LINGO2: variants seen among roughly 807,000 people sequenced by gnomAD.
LINGO2 encodes leucine rich repeat and Ig domain containing 2, also known as leucine-rich repeat and immunoglobulin-like domain-containing nogo receptor-interacting protein 2.
A neutral mutation model predicts 30.6 loss-of-function variants in LINGO2; 14 were observed. The observed-to-expected ratio is 0.46, with a 90% CI of 0.30 to 0.72. LINGO2 has a LOEUF of 0.72. Ranked by LOEUF, LINGO2 falls within the 30% of genes least tolerant of loss-of-function variation. The pLI, the probability that LINGO2 is intolerant of heterozygous loss-of-function variation, is 0.07. For missense variants in LINGO2, 729 were observed against 751.7 expected (o/e 0.97, Z 0.35); for synonymous variants, 317 against 288.5 (o/e 1.10, Z -1.00).
At chr9:29,059,478 A>T in the LINGO2 span, among the ~76,000 whole-genome samples, 1 of 151,670 alleles carries the variant, frequency 6.6e-6, no homozygotes, top group Non-Finnish European at 1.5e-5. Flanking sequence ...CTAATATCAG[A>T]CCTACAATAA....
At chr9:28,168,522 G>A (rs1828494971) in intron 4 of LINGO2, among the ~76,000 whole-genome samples, 1 of 152,164 alleles carries the variant, frequency 6.6e-6, no homozygotes, top group Admixed American at 6.5e-5. Context: ...TTTCATAACA[G>A]GTGTTATTGT....
At chr9:28,922,585 A>T in the LINGO2 span, among the ~76,000 whole-genome samples, 2 of 152,236 alleles carry the variant, frequency 1.3e-5, no homozygotes, top group African/African-American at 2.4e-5. Context: ...ATTTATTTTC[A>T]CAGTAACTCC....
At chr9:28,860,245 T>A in the LINGO2 span, among the ~76,000 whole-genome samples, 1 of 152,120 alleles carries the variant, frequency 6.6e-6, no homozygotes, top group Non-Finnish European at 1.5e-5. Flanking sequence ...AGTGCCCAGA[T>A]ATTTGGTCAG....
chr9:28,632,376 G>A (rs185170669), intron 1 of LINGO2, among the ~76,000 whole-genome samples: 1 of 151,936 alleles, frequency 6.6e-6, no homozygotes, highest in African/African-American at 2.4e-5. Context: ...GCCAAAGAGT[G>A]GGTTCCAAGG....
chr9:28,250,278 T>C lies in LINGO2; in HGVS notation c.-87+44930A>G, dbSNP rs139857775. Among the ~76,000 whole-genome samples the C allele has an allele frequency of 1.5e-3, 232 of 152,320 alleles. 1 individual carries two copies. Among genetic ancestry groups the C allele is most frequent in the African/African-American group, 5.4e-3 (226 of 41,586 alleles). On this transcript the variant is annotated intron_variant, in intron 4 of 5. Coordinates refer to ENST00000379992, the Ensembl canonical transcript of LINGO2. ...AAGATAAAGTGGATGTAGCTTTCCT[T>C]ATTTCTGCCAAGTACAGTTACAAAT...
intron 1 of LINGO2, among the ~76,000 whole-genome samples, chr9:28,655,418 A>G (rs1429122298): frequency 6.6e-6 from 1 of 152,080 alleles, no homozygotes; most frequent in Non-Finnish European, 1.5e-5. Context: ...CTTGTCTCAG[A>G]TAAGACTTTC....
At chr9:28,598,431 A>AAAC (rs1554643666) in intron 1 of LINGO2, among the ~76,000 whole-genome samples, 18 of 125,562 alleles carry the variant, frequency 1.4e-4, no homozygotes, top group Admixed American at 7.8e-4. Flanking sequence ...AAAAAAAAAA[A>AAAC]AAACAAAACA....
At chr9:28,418,275 C>CTTT (rs3064826) in intron 2 of LINGO2, among the ~76,000 whole-genome samples, 13,682 of 106,364 alleles carry the variant, frequency 0.13, 1,007 homozygotes, top group East Asian at 0.26. Flanking sequence ...AGGCCATGTA[C>CTTT]TTTTTTTTTT....
the LINGO2 span, among the ~76,000 whole-genome samples, chr9:28,793,775 T>G: frequency 0.8 from 121,403 of 152,020 alleles, 48,495 homozygotes; most frequent in East Asian, 0.9. Context: ...GATATCACCC[T>G]GGAGCTTGTT....
chr9:28,899,288 A>G, the LINGO2 span, among the ~76,000 whole-genome samples: 1 of 152,214 alleles, frequency 6.6e-6, no homozygotes, highest in East Asian at 1.9e-4. Flanking sequence ...CTTGAGACCA[A>G]CATCAGTGCT....
At chr9:28,453,788 C>G (rs939922358) in intron 2 of LINGO2, among the ~76,000 whole-genome samples, 1 of 152,018 alleles carries the variant, frequency 6.6e-6, no homozygotes, top group African/African-American at 2.4e-5. Flanking sequence ...TCAGGGCCCA[C>G]AGCACATGAC....
intron 3 of LINGO2, among the ~76,000 whole-genome samples, chr9:28,317,544 G>A (rs965325020): frequency 2.6e-5 from 4 of 152,082 alleles, no homozygotes; most frequent in Non-Finnish European, 5.9e-5. Flanking sequence ...GGTGAAATAA[G>A]TTTGGTAGAG....
chr9:28,813,535 C>A, the LINGO2 span, among the ~76,000 whole-genome samples: 3 of 151,972 alleles, frequency 2.0e-5, no homozygotes, highest in Non-Finnish European at 4.4e-5. Context: ...TCAATGTACC[C>A]TTCCTTCCTT....
intron 3 of LINGO2, among the ~76,000 whole-genome samples, chr9:28,311,948 A>G (rs2134258438): frequency 6.6e-6 from 1 of 152,316 alleles, no homozygotes. Context: ...GTAAGAAATT[A>G]TAAAAGTATT....
chr9:28,032,023 C>T (rs1317946362), intron 4 of LINGO2, among the ~76,000 whole-genome samples: 1 of 136,944 alleles, frequency 7.3e-6, no homozygotes, highest in Non-Finnish European at 1.6e-5. Context: ...TAGCAGTCTG[C>T]TGACTCAAAA....
At chr9:28,111,816 G>A (rs891897272) in intron 4 of LINGO2, among the ~76,000 whole-genome samples, 4 of 152,082 alleles carry the variant, frequency 2.6e-5, no homozygotes, top group African/African-American at 9.7e-5. Flanking sequence ...TCACACAGGG[G>A]AGAGTGATGC....
At chr9:28,002,741 C>A (rs1822024293) in intron 5 of LINGO2, among the ~76,000 whole-genome samples, 1 of 152,054 alleles carries the variant, frequency 6.6e-6, no homozygotes, top group Non-Finnish European at 1.5e-5. Flanking sequence ...GAAAAAAAAT[C>A]GATTCCTAGC....
rs141026020 is a variant in LINGO2, at chr9:27,999,689, T to G, written c.-36+12666A>C. Among the ~76,000 whole-genome samples the G allele has an allele frequency of 5.6e-3, 854 of 152,268 alleles. 6 individuals carry two copies. The highest frequency in any genetic ancestry group is 0.02 in the African/African-American group (812 of 41,546). ...GAAATATTAGTGATATCCATTATCA[T>G]GTACACTGACTTCTCTAAGTCCAAT... On this transcript the variant is annotated intron_variant, in intron 5 of 5. Coordinates refer to ENST00000379992, the Ensembl canonical transcript of LINGO2.
intron 1 of LINGO2, among the ~76,000 whole-genome samples, chr9:28,627,452 C>T (rs900756086): frequency 6.6e-6 from 1 of 152,030 alleles, no homozygotes; most frequent in African/African-American, 2.4e-5. Flanking sequence ...GACTTACCTT[C>T]CTATGCTTCA....
Sources: allele counts gnomAD v4.1 joint callset (sites outside exome capture counted in the v4.1 genomes callset), GRCh38; gene constraint gnomAD v4.1.1; transcripts MANE v1.5; gene names NCBI Gene and HGNC (gene_info 2026-07-23, HGNC 2026-07-21).